Variants in PARD3 observed in about 807,000 individuals in gnomAD.
The protein encoded by PARD3 is par-3 family cell polarity regulator, also known as partitioning defective 3 homolog.
A neutral mutation model predicts 155.4 loss-of-function variants in PARD3; 75 were observed. That is an observed-to-expected ratio of 0.48 (90% CI 0.40 to 0.58). The LOEUF is 0.58. PARD3 is among the 20% of genes least tolerant of loss of function. PARD3 has a pLI of 0.00. For missense variants in PARD3, 1,642 were observed against 1,721.7 expected (o/e 0.95, Z 0.82); for synonymous variants, 576 against 610.5 (o/e 0.94, Z 0.83).
At chr10:34,721,773 A>C (rs954183461) in intron 1 of PARD3, among the ~76,000 whole-genome samples, 6 of 152,360 alleles carry the variant, frequency 3.9e-5, no homozygotes, top group African/African-American at 1.4e-4. Context: ...ACCACTGCTA[A>C]TCTGAGTTAT....
intron 2 of PARD3, among the ~76,000 whole-genome samples, chr10:34,612,109 A>C (rs1317543738): frequency 1.3e-5 from 2 of 151,982 alleles, no homozygotes; most frequent in Non-Finnish European, 2.9e-5. Context: ...TACAGGCGTG[A>C]GCCACCGTGC....
chr10:34,305,119 A>G (rs1957340485), intron 20 of PARD3, among the ~76,000 whole-genome samples: 1 of 152,210 alleles, frequency 6.6e-6, no homozygotes, highest in South Asian at 2.1e-4. Flanking sequence ...CCTTTTTTTA[A>G]AAAAAGACTA....
Position 34,317,172 on chromosome 10 carries a change from T to G in PARD3, c.3000A>C (p.Arg1000Ser), listed in dbSNP as rs141408873. ...CTTTCATTTTATCCTTCTCCTTATCTCTATCTTTCTTCTTTTCTTTTCCAG... is the reference window on the plus strand; with the variant it reads ...CTTTCATTTTATCCTTCTCCTTATCGCTATCTTTCTTCTTTTCTTTTCCAG... ...DKTGKEKKKD[R>S]DKEKDKMKAK... The change falls in exon 20 of 25, where the codon AGA becomes AGC. Residue 1000 changes from arginine to serine, a missense_variant. Arg to Ser is a moderately radical substitution (Grantham distance 110, BLOSUM62 -1). This residue lies in a region of PARD3 where 1,529 missense variants were observed against 1,587.3 expected (regional missense o/e 0.96). Coordinates refer to ENST00000374788, the MANE Select transcript of PARD3 (RefSeq NM_001184785.2). 6.9e-5 allele frequency: 111 copies of G among 1,605,770 alleles called. No individual in the cohort carries two copies. In the African/African-American group the frequency reaches 1.1e-3, roughly 16 times the overall value.
chr10:34,210,116 G>A (rs560461151), intron 22 of PARD3, among the ~76,000 whole-genome samples: 133 of 152,238 alleles, frequency 8.7e-4, no homozygotes, highest in South Asian at 2.1e-4. Flanking sequence ...TGCTCAATGC[G>A]AGGCCAGGAC....
At chr10:34,250,949 T>A (rs1196621507) in intron 22 of PARD3, among the ~76,000 whole-genome samples, 1 of 152,210 alleles carries the variant, frequency 6.6e-6, no homozygotes, top group African/African-American at 2.4e-5. Context: ...TCTGAGAGAA[T>A]CTGACTCCAG....
In PARD3 at chr10:34,112,601, G is replaced by A. The variant is rs571636903; in HGVS notation, c.3669-1039C>T. ...TCAATAAGAAAATCATTTGGCGACA[G>A]TATGTATTGCTCAACCCTCTCCATC... is the stretch of plus-strand genomic sequence containing the variant. On this transcript the variant is annotated intron_variant, in intron 24 of 24. Transcript: ENST00000374788. 4.6e-5 allele frequency among the ~76,000 whole-genome samples: 7 copies of A among 152,262 alleles called. No homozygotes were observed. In the South Asian group the frequency reaches 1.5e-3, roughly 32 times the overall value.
chr10:34,640,956 T>G (rs1463003107), intron 2 of PARD3, among the ~76,000 whole-genome samples: 13 of 152,070 alleles, frequency 8.5e-5, no homozygotes, highest in Non-Finnish European at 1.9e-4. Context: ...GTGGAATGAG[T>G]TTAGCATGTG....
intron 3 of PARD3, among the ~76,000 whole-genome samples, chr10:34,502,770 A>C (rs990107092): frequency 6.6e-6 from 1 of 152,160 alleles, no homozygotes; most frequent in South Asian, 2.1e-4. Flanking sequence ...AAACAAAAAC[A>C]AAAAACAACA....
intron 22 of PARD3, among the ~76,000 whole-genome samples, chr10:34,268,457 C>T (rs537085770): frequency 1.0e-5 from 1 of 98,970 alleles, no homozygotes; most frequent in East Asian, 2.2e-4. Flanking sequence ...ATAAATCATG[C>T]TGCTATAAAG....
intron 2 of PARD3, among the ~76,000 whole-genome samples, chr10:34,579,356 C>G (rs535731568): frequency 1.3e-5 from 2 of 152,074 alleles, no homozygotes; most frequent in Non-Finnish European, 2.9e-5. Flanking sequence ...CACTACCTTG[C>G]GTGAGGATGT....
intron 22 of PARD3, among the ~76,000 whole-genome samples, chr10:34,185,663 G>C (rs1950453865): frequency 6.6e-6 from 1 of 151,726 alleles, no homozygotes; most frequent in African/African-American, 2.4e-5. Flanking sequence ...AGACATCTAA[G>C]TCACTTTGGT....
At chr10:34,422,449 G>C (rs1489107635) in intron 5 of PARD3, among the ~76,000 whole-genome samples, 5 of 151,920 alleles carry the variant, frequency 3.3e-5, no homozygotes, top group Non-Finnish European at 7.4e-5. Flanking sequence ...AAACTAAAAA[G>C]CTTCCGCATA....
intron 20 of PARD3, among the ~76,000 whole-genome samples, chr10:34,291,141 A>C (rs1956657046): frequency 6.6e-6 from 1 of 152,232 alleles, no homozygotes; most frequent in South Asian, 2.1e-4. Flanking sequence ...ACTTTTGCTT[A>C]AAGTCCTAAT....
rs540099224 is a variant in PARD3 at position 34,608,944 on chromosome 10, T to C, written c.222+87374A>G. The stretch of plus-strand genomic sequence containing the variant: ...TCTACAGTCTACAGGAGAGTAGAAA[T>C]AGGTGATACGCAAATACTGCACCAA... On this transcript the variant is annotated intron_variant, in intron 2 of 24. Transcript: ENST00000374788. Among the ~76,000 whole-genome samples the C allele has an allele frequency of 4.6e-5, 7 of 152,234 alleles. No individual in the cohort carries two copies. The East Asian group carries it at 1.4e-3, about 29-fold the overall frequency.
chr10:34,624,637 C>T (rs550101492), intron 2 of PARD3, among the ~76,000 whole-genome samples: 12 of 152,332 alleles, frequency 7.9e-5, no homozygotes, highest in African/African-American at 2.9e-4. Context: ...TCAACTGGCT[C>T]CTCTGGGCCT....
At chr10:34,451,500 A>T (rs1380351170) in intron 4 of PARD3, among the ~76,000 whole-genome samples, 2 of 152,176 alleles carry the variant, frequency 1.3e-5, no homozygotes, top group Non-Finnish European at 2.9e-5. Flanking sequence ...GAAACAAAAA[A>T]GTGCAATATA....
intron 2 of PARD3, among the ~76,000 whole-genome samples, chr10:34,652,591 T>C (rs1019724432): frequency 6.6e-6 from 1 of 152,160 alleles, no homozygotes; most frequent in Non-Finnish European, 1.5e-5. Context: ...TAGATACGGA[T>C]GGATCGGCCT....
chr10:34,361,747 G>A (rs1839462204), intron 12 of PARD3, among the ~76,000 whole-genome samples: 1 of 151,948 alleles, frequency 6.6e-6, no homozygotes, highest in South Asian at 2.1e-4. Flanking sequence ...TTTTATGGTA[G>A]GACATCTTTG....
At chr10:34,360,298 A>G (rs778153232) in intron 12 of PARD3, 39 bp from the exon 13 acceptor site, 1 of 1,444,844 alleles carries the variant, frequency 6.9e-7, no homozygotes, top group South Asian at 1.2e-5. Flanking sequence ...TTATAGTCCA[A>G]TGTTTCTTTC....
Sources: gnomAD v4.1 joint callset for allele counts (sites outside exome capture counted in the v4.1 genomes callset) on GRCh38, gnomAD v4.1.1 for gene constraint, gnomAD v4.1.1 regional missense constraint, MANE v1.5 for transcripts, NCBI Gene and HGNC (gene_info 2026-07-23, HGNC 2026-07-21) for gene names.